The following DCHS2 variants were observed in gnomAD, a reference collection of about 807,000 sequenced individuals.
The protein encoded by DCHS2 is protocadherin-23.
In DCHS2, 142 loss-of-function variants were observed where a neutral mutation model predicts 182.4. The ratio of observed to expected loss-of-function variants is 0.78; its 90% confidence interval spans 0.68 to 0.89. DCHS2 has a LOEUF of 0.89. Among genes scored for constraint, DCHS2 ranks in the 40% least tolerant of loss-of-function variants. The pLI is 0.00. For synonymous variants in DCHS2, 1,740 were observed against 1,663.3 expected (o/e 1.05, Z -1.12); for missense variants, 4,319 against 4,198.6 (o/e 1.03, Z -0.79).
At chr4:154,406,430 T>C (rs1732404284) in intron 1 of DCHS2, among the ~76,000 whole-genome samples, 1 of 152,250 alleles carries the variant, frequency 6.6e-6, no homozygotes, top group Admixed American at 6.5e-5. Context: ...ATCCCAGTCC[T>C]GCTCTGCCTA....
intron 15 of DCHS2, among the ~76,000 whole-genome samples, chr4:154,258,876 G>C (rs1041397651): frequency 2.6e-5 from 4 of 152,158 alleles, no homozygotes; most frequent in African/African-American, 9.7e-5. Flanking sequence ...ACTTTGCCTG[G>C]AAGTTGGATT....
chr4:154,469,484 T>G (rs1187754519), intron 1 of DCHS2, among the ~76,000 whole-genome samples: 1 of 152,232 alleles, frequency 6.6e-6, no homozygotes, highest in Non-Finnish European at 1.5e-5. Flanking sequence ...TAATTGGATA[T>G]TCTGTGATGT....
chr4:154,243,538 C>T (rs969843045), intron 16 of DCHS2, among the ~76,000 whole-genome samples: 3 of 152,106 alleles, frequency 2.0e-5, no homozygotes, highest in Non-Finnish European at 4.4e-5. Context: ...ATTAGTGTCC[C>T]CAGCCATTTC....
chr4:154,247,248 G>A (rs555613930), intron 16 of DCHS2, among the ~76,000 whole-genome samples: 56 of 152,074 alleles, frequency 3.7e-4, no homozygotes, highest in Non-Finnish European at 6.3e-4. Flanking sequence ...AGGCTGAGGC[G>A]GGTGGATCAT....
chr4:154,417,204 T>TGAGAGAGAGA (rs70947163), intron 1 of DCHS2, among the ~76,000 whole-genome samples: 1,152 of 39,322 alleles, frequency 0.029, 97 homozygotes, highest in East Asian at 0.06. Context: ...TGTGTGTGTG[T>TGAGAGAGAGA]GAGAGAGAGA....
At position 154,392,964 on chromosome 4, in the gene DCHS2, T is replaced by C. The variant is rs764912320; in HGVS notation, c.2053-15520A>G. ...TAATCTTGCATAATCCACTTCCATG[T>C]ACTAAGGCTTCCTGATTTCATCTCA... On this transcript the variant is annotated intron_variant, in intron 1 of 19. Transcript: ENST00000357232. Among the ~76,000 whole-genome samples, 8 of 152,360 alleles carry C rather than the reference T, an allele frequency of 5.3e-5. 1 individual carries two copies. In the East Asian group the frequency reaches 1.5e-3, roughly 29 times the overall value.
At chr4:154,383,608 A>G (rs1471272171) in intron 1 of DCHS2, among the ~76,000 whole-genome samples, 1 of 152,194 alleles carries the variant, frequency 6.6e-6, no homozygotes, top group Non-Finnish European at 1.5e-5. Context: ...TGGCCCTTGA[A>G]GGCATGTTTC....
chr4:154,284,185 A>G lies in DCHS2; in HGVS notation c.6463+13666T>C, dbSNP rs551950158. 1.7e-4 allele frequency among the ~76,000 whole-genome samples: 26 copies of G among 152,358 alleles called. 1 individual carries two copies. The South Asian group carries it at 1.9e-3, about 11-fold the overall frequency. ...ATGATTGTTGCAGCAGCTCTTCATG[A>G]AAACAGCATTTTTATCCTCAAAATA... is the stretch of plus-strand genomic sequence containing the variant. On this transcript the variant is annotated intron_variant, in intron 13 of 19. Coordinates refer to ENST00000357232, the MANE Select transcript of DCHS2 (RefSeq NM_001358235.2).
rs757472021 is a variant in DCHS2, at chr4:154,320,678, C to G, written c.4721G>C (p.Arg1574Pro). 1 of 1,614,020 alleles carries G rather than the reference C, an allele frequency of 6.2e-7. No individual in the cohort carries two copies. The highest frequency in any genetic ancestry group is 2.2e-5 in the East Asian group (1 of 44,882). The change falls in exon 9 of 20, where the codon CGT (arginine) becomes CCT (proline). Residue 1574 changes from arginine to proline, a missense_variant. Arg to Pro is a moderately radical substitution (Grantham distance 103). Coordinates refer to ENST00000357232, the MANE Select transcript of DCHS2 (RefSeq NM_001358235.2). Reference protein sequence around the residue: ...PSFGTLVTVSRLDRESIPTVI... With the variant: ...PSFGTLVTVSPLDRESIPTVI... The stretch of plus-strand genomic sequence containing the variant: ...AGTTGGAATGCTTTCTCTGTCAAGA[C>G]GGGACACAGTGACTAGTGTGCCAAA...
intron 3 of DCHS2, among the ~76,000 whole-genome samples, chr4:154,338,042 C>G (rs1368184916): frequency 6.6e-6 from 1 of 152,092 alleles, no homozygotes; most frequent in East Asian, 1.9e-4. Flanking sequence ...GGCCTCTAGT[C>G]ATATTTTAAA....
Position 154,456,586 on chromosome 4 carries a change from T to C in DCHS2, c.2052+32718A>G, listed in dbSNP as rs147926203. 1.8e-3 allele frequency among the ~76,000 whole-genome samples: 281 copies of C among 152,260 alleles called. 1 individual carries two copies. Among genetic ancestry groups the C allele is most frequent in the African/African-American group, 6.4e-3 (267 of 41,544 alleles). On this transcript the variant is annotated intron_variant, in intron 1 of 19. Coordinates refer to ENST00000357232, the MANE Select transcript of DCHS2 (RefSeq NM_001358235.2). ...GGATTTTGAAGAATATATACAATTT[T>C]ATTAAGCAAAACAGAGGAAGTGAGG...
intron 1 of DCHS2, among the ~76,000 whole-genome samples, chr4:154,379,238 A>G (rs1731060553): frequency 2.6e-5 from 4 of 152,178 alleles, no homozygotes; most frequent in Admixed American, 6.5e-5. Flanking sequence ...AAGGTCCCCA[A>G]AGTCACTCTG....
chr4:154,265,866 A>G (rs1733228507), intron 14 of DCHS2, among the ~76,000 whole-genome samples: 1 of 152,136 alleles, frequency 6.6e-6, no homozygotes, highest in African/African-American at 2.4e-5. Flanking sequence ...TGTGGGGGAT[A>G]TATTCTGAGA....
intron 13 of DCHS2, among the ~76,000 whole-genome samples, chr4:154,289,129 T>TAAAGAAAGATCAATGAA (rs1330141048): frequency 6.6e-6 from 1 of 151,312 alleles, no homozygotes; most frequent in Non-Finnish European, 1.5e-5. Flanking sequence ...AAGAAAACAA[T>TAAAGAAAGATCAATGAA]ACAAAGATCA....
At chr4:154,379,955 G>A (rs1478707975) in intron 1 of DCHS2, among the ~76,000 whole-genome samples, 2 of 152,018 alleles carry the variant, frequency 1.3e-5, no homozygotes, top group Admixed American at 6.6e-5. Flanking sequence ...GACACTTTTG[G>A]TTGTCACAAC....
At chr4:154,416,798 A>T (rs779489553) in intron 1 of DCHS2, among the ~76,000 whole-genome samples, 4 of 152,304 alleles carry the variant, frequency 2.6e-5, no homozygotes, top group Non-Finnish European at 5.9e-5. Flanking sequence ...GCCAGGCAGG[A>T]AAGTGTCTGC....
chr4:154,323,232 C>T, intron 7 of DCHS2: 1 of 1,541,466 alleles, frequency 6.5e-7, no homozygotes, highest in South Asian at 1.2e-5. Flanking sequence ...AGAGAACTGA[C>T]CAGATTCAGG....
In DCHS2 at chr4:154,240,602, C is replaced by T. The variant is rs752422733; in HGVS notation, c.7294G>A (p.Ala2432Thr). Reference sequence around the variant, plus strand: ...ACATCCAGCACACGGACTACAAGTGCTCCCTCTGTGTAGTGCACTGAATCA... The same window carrying T: ...ACATCCAGCACACGGACTACAAGTGTTCCCTCTGTGTAGTGCACTGAATCA... The part of the protein sequence containing the change: ...ISDSVHYTEG[A>T]LVVRVLDVND... The change falls in exon 18 of 20, where the codon GCA becomes ACA. Residue 2432 changes from alanine (A) to threonine (T), a missense_variant. By Grantham distance (58) the Ala-to-Thr change is moderately conservative. Coordinates refer to ENST00000357232, the MANE Select transcript of DCHS2 (RefSeq NM_001358235.2). 12 of 1,613,794 alleles carry T rather than the reference C, an allele frequency of 7.4e-6. No homozygotes were observed. The South Asian group carries it at 1.3e-4, about 18-fold the overall frequency.
intron 1 of DCHS2, among the ~76,000 whole-genome samples, chr4:154,428,505 C>A: frequency 6.6e-6 from 1 of 152,000 alleles, no homozygotes; most frequent in Non-Finnish European, 1.5e-5. Flanking sequence ...TACCACTGCA[C>A]TCCAGCTTGG....
Sources: gnomAD v4.1 joint callset for allele counts (sites outside exome capture counted in the v4.1 genomes callset) on GRCh38, gnomAD v4.1.1 for gene constraint, MANE v1.5 for transcripts, NCBI Gene and HGNC (gene_info 2026-07-23, HGNC 2026-07-21) for gene names.